The following TTC7B variants were observed in gnomAD, a reference collection of about 807,000 sequenced individuals.
TTC7B encodes tetratricopeptide repeat domain 7B.
Under a neutral mutation model 106.8 loss-of-function variants are expected in TTC7B, and 28 were observed. The observed-to-expected ratio is 0.26, with a 90% CI of 0.19 to 0.36. The LOEUF is 0.36. Ranked by LOEUF, TTC7B falls within the 10% of genes least tolerant of loss-of-function variation. TTC7B has a pLI of 1.00. For missense variants in TTC7B, 862 were observed against 1,076.4 expected (o/e 0.80, Z 2.79); for synonymous variants, 405 against 430.6 (o/e 0.94, Z 0.74).
chr14:90,628,291 G>C (rs148096568), intron 15 of TTC7B, among the ~76,000 whole-genome samples: 77 of 152,326 alleles, frequency 5.1e-4, no homozygotes, highest in Non-Finnish European at 9.1e-4. Context: ...GAAGCTTTTT[G>C]GTAATTTCTG....
intron 7 of TTC7B, among the ~76,000 whole-genome samples, chr14:90,682,596 C>A (rs1208197457): frequency 6.6e-6 from 1 of 152,170 alleles, no homozygotes; most frequent in Non-Finnish European, 1.5e-5. Flanking sequence ...CTTTTGTGGC[C>A]TTCTCCTCTT....
In TTC7B at chr14:90,525,366, A is replaced by G. The variant is rs1889122590; in HGVS notation, c.*16002T>C. 1 of 152,236 alleles carries G rather than the reference A, an allele frequency of 6.6e-6. No homozygotes were observed. The highest frequency in any genetic ancestry group is 1.5e-5 in the Non-Finnish European group (1 of 68,050). The allele number at this position is 152,236 out of a possible 1,614,324, so 9.4% of individuals were successfully genotyped here. On this transcript the variant is annotated 3_prime_UTR_variant, in exon 20 of 20. Transcript: ENST00000328459. Reference sequence around the variant, plus strand: ...TGATCAGTTTTTGGCTATTACAAATAAAGCTGCTATAAACATTTGCGGAGA... The same window carrying G: ...TGATCAGTTTTTGGCTATTACAAATGAAGCTGCTATAAACATTTGCGGAGA...
intron 18 of TTC7B, among the ~76,000 whole-genome samples, chr14:90,587,814 T>C (rs1438247689): frequency 6.6e-6 from 1 of 151,970 alleles, no homozygotes; most frequent in Non-Finnish European, 1.5e-5. Flanking sequence ...GGAGCTAGGG[T>C]TCTGGGGCCA....
chr14:90,618,165 TC>T (rs912471461), intron 15 of TTC7B, 120 bp from the exon 16 acceptor site: 1 of 680,628 alleles, frequency 1.5e-6, no homozygotes, highest in African/African-American at 1.8e-5. Flanking sequence ...AAAGGGAACA[TC>T]CACATGTGTG....
rs1886492735 is a variant in TTC7B, at chr14:90,668,323, A to G, written c.1152+8200T>C. Among the ~76,000 whole-genome samples the G allele has an allele frequency of 1.3e-5, 2 of 152,216 alleles. 1 individual carries two copies. Among genetic ancestry groups the G allele is most frequent in the South Asian group, 4.1e-4 (2 of 4,836 alleles). On this transcript the variant is annotated intron_variant, in intron 9 of 19. Transcript: ENST00000328459. The stretch of plus-strand genomic sequence containing the variant: ...TAGCCATTATCTTATTGAGCTTCCT[A>G]ACAGTCTCTGAGGTAGGAGCTCAGA...
chr14:90,555,899 T>C (rs1890279087), intron 19 of TTC7B, among the ~76,000 whole-genome samples: 1 of 152,230 alleles, frequency 6.6e-6, no homozygotes, highest in Non-Finnish European at 1.5e-5. Flanking sequence ...ACCTGGGTGC[T>C]GCTGCTGGTA....
chr14:90,726,592 AT>A (rs973470326), intron 5 of TTC7B, among the ~76,000 whole-genome samples: 2 of 152,088 alleles, frequency 1.3e-5, no homozygotes, highest in African/African-American at 4.8e-5. Flanking sequence ...CCATGTGCAT[AT>A]TTTTATTTGC....
chr14:90,668,336 G>C (rs573948281), intron 9 of TTC7B, among the ~76,000 whole-genome samples: 3 of 152,270 alleles, frequency 2.0e-5, no homozygotes, highest in African/African-American at 7.2e-5. Flanking sequence ...AGTCTCTGAG[G>C]TAGGAGCTCA....
chr14:90,764,462 G>A (rs1890608055), intron 3 of TTC7B, among the ~76,000 whole-genome samples: 1 of 151,672 alleles, frequency 6.6e-6, no homozygotes, highest in Admixed American at 6.6e-5. Context: ...AAAATGAACT[G>A]GACTTAATCA....
chr14:90,583,180 A>G (rs1891571820), intron 18 of TTC7B, among the ~76,000 whole-genome samples: 1 of 152,182 alleles, frequency 6.6e-6, no homozygotes, highest in Non-Finnish European at 1.5e-5. Context: ...GGAAGAAAAG[A>G]ATATCATTTA....
rs1002167282 is a variant in TTC7B at position 90,531,429 on chromosome 14, CA to C, written c.*9938del. 6.8e-5 allele frequency: 10 copies of C among 146,500 alleles called. No homozygotes were observed. Among genetic ancestry groups the C allele is most frequent in the African/African-American group, 2.6e-4 (10 of 38,016 alleles). 9.1% of individuals were successfully genotyped at this position (146,500 alleles called of 1,614,324 possible). On this transcript the variant is annotated 3_prime_UTR_variant, in exon 20 of 20. Coordinates refer to ENST00000328459, the MANE Select transcript of TTC7B (RefSeq NM_001010854.2). Reference sequence around the variant, plus strand: ...TACTAAGCACAAAAAATCAAAAATACAAAACAAAAAAACAAACAAAAAAAAA... The same window carrying C: ...TACTAAGCACAAAAAATCAAAAATACAAACAAAAAAACAAACAAAAAAAAA...
At chr14:90,813,516 T>C (rs904306941) in intron 1 of TTC7B, among the ~76,000 whole-genome samples, 6 of 152,092 alleles carry the variant, frequency 3.9e-5, no homozygotes. Flanking sequence ...TTAACCCTCA[T>C]AACAACCCCT....
chr14:90,612,407 T>C (rs1465914227), intron 16 of TTC7B, among the ~76,000 whole-genome samples: 1 of 152,170 alleles, frequency 6.6e-6, no homozygotes. Context: ...ACTTAGGAGT[T>C]TTTCAGAAGA....
intron 16 of TTC7B, among the ~76,000 whole-genome samples, chr14:90,615,368 G>A (rs1893027526): frequency 6.6e-6 from 1 of 152,224 alleles, no homozygotes; most frequent in South Asian, 2.1e-4. Context: ...GAAACTGGCA[G>A]ATAGAGCAGG....
intron 18 of TTC7B, among the ~76,000 whole-genome samples, chr14:90,583,780 G>A (rs1891603063): frequency 6.6e-6 from 1 of 152,154 alleles, no homozygotes; most frequent in African/African-American, 2.4e-5. Context: ...GTTCTCTTAG[G>A]AACCCTTGGT....
chr14:90,586,068 G>A (rs1347535861), intron 18 of TTC7B, among the ~76,000 whole-genome samples: 2 of 152,214 alleles, frequency 1.3e-5, no homozygotes, highest in African/African-American at 4.8e-5. Flanking sequence ...AGGCTCAGTG[G>A]GAGTGGGAAT....
intron 9 of TTC7B, 91 bp downstream of exon 9, chr14:90,676,432 G>A: frequency 6.8e-7 from 1 of 1,464,434 alleles, no homozygotes; most frequent in Non-Finnish European, 9.3e-7. Flanking sequence ...TAATAGAGGG[G>A]GGCCCAGGAC....
Position 90,816,170 on chromosome 14 carries a change from C to T in TTC7B, c.121+5G>A. The stretch of plus-strand genomic sequence containing the variant: ...GCAGCCCAGGCCGGCGCGCCCGGAG[C>T]GTACCGTTGGCGATGAGCTTGGCCG... On this transcript the variant is annotated splice_donor_5th_base_variant and intron_variant, in intron 1 of 19. Coordinates refer to ENST00000328459, the MANE Select transcript of TTC7B (RefSeq NM_001010854.2). 2 of 1,240,406 alleles carry T rather than the reference C, an allele frequency of 1.6e-6. No individual in the cohort carries two copies. The highest frequency in any genetic ancestry group is 1.3e-5 in the South Asian group (1 of 74,292). 76.8% of individuals were successfully genotyped at this position (1,240,406 alleles called of 1,614,324 possible).
At chr14:90,717,893 A>G (rs1281187045) in intron 5 of TTC7B, among the ~76,000 whole-genome samples, 1 of 152,264 alleles carries the variant, frequency 6.6e-6, no homozygotes, top group South Asian at 2.1e-4. Flanking sequence ...CAACAGATAC[A>G]TCTGGACCCC....
Sources: allele counts gnomAD v4.1 joint callset (sites outside exome capture counted in the v4.1 genomes callset), GRCh38; gene constraint gnomAD v4.1.1; transcripts MANE v1.5; gene names NCBI Gene and HGNC (gene_info 2026-07-23, HGNC 2026-07-21).